The following BLTP3A variants were observed in gnomAD, a reference collection of about 807,000 sequenced individuals.
The protein encoded by BLTP3A is bridge-like lipid transfer protein family member 3A, also known as ICBP90 binding protein 1.
chr6:34,817,940 G>A, the BLTP3A span, among the ~76,000 whole-genome samples: 4 of 151,046 alleles, frequency 2.6e-5, no homozygotes, highest in Non-Finnish European at 4.4e-5. Flanking sequence ...TGCAAGCTCC[G>A]CCTCCCGGGT....
the BLTP3A span, chr6:34,867,198 A>G: frequency 3.8e-6 from 6 of 1,579,342 alleles, no homozygotes; most frequent in East Asian, 1.3e-4. Context: ...TTGACTTTTA[A>G]ATTCATTTGT....
the BLTP3A span, among the ~76,000 whole-genome samples, chr6:34,798,206 A>G: frequency 6.6e-6 from 1 of 152,208 alleles, no homozygotes; most frequent in African/African-American, 2.4e-5. Context: ...AGATTAATCC[A>G]TATTTTGCAT....
chr6:34,801,342 A>C, the BLTP3A span, among the ~76,000 whole-genome samples: 2 of 152,202 alleles, frequency 1.3e-5, no homozygotes, highest in Non-Finnish European at 2.9e-5. Flanking sequence ...TGCAAAAGCC[A>C]CATAAACTTA....
chr6:34,792,851 G>C, the BLTP3A span, among the ~76,000 whole-genome samples: 1 of 152,152 alleles, frequency 6.6e-6, no homozygotes, highest in Non-Finnish European at 1.5e-5. Flanking sequence ...CAACGCTGAG[G>C]CTGGTTTTCT....
the BLTP3A span, among the ~76,000 whole-genome samples, chr6:34,794,422 A>T: frequency 6.6e-6 from 1 of 152,240 alleles, no homozygotes; most frequent in Non-Finnish European, 1.5e-5. Flanking sequence ...GTGCTCAATA[A>T]AACATGAGGT....
the BLTP3A span, among the ~76,000 whole-genome samples, chr6:34,840,709 G>T: frequency 6.6e-6 from 1 of 151,630 alleles, no homozygotes; most frequent in African/African-American, 2.4e-5. Flanking sequence ...TCTGCCTCCC[G>T]GGTTCATGCC....
At chr6:34,858,020 A>G in the BLTP3A span, 1 of 1,556,996 alleles carries the variant, frequency 6.4e-7, no homozygotes, top group East Asian at 2.3e-5. Flanking sequence ...TGGAAGTAAG[A>G]AAATAGTTTC....
chr6:34,858,377 C>T, the BLTP3A span: 1 of 1,614,142 alleles, frequency 6.2e-7, no homozygotes. Context: ...CAGATGGATT[C>T]CTGCCTGCCT....
chr6:34,838,058 C>A, the BLTP3A span, among the ~76,000 whole-genome samples: 1 of 152,188 alleles, frequency 6.6e-6, no homozygotes, highest in East Asian at 1.9e-4. Context: ...CTTCACCGTT[C>A]ATTTATTAAA....
At chr6:34,863,975 G>A in the BLTP3A span, 2 of 1,542,832 alleles carry the variant, frequency 1.3e-6, no homozygotes, top group South Asian at 1.2e-5. Context: ...AGCCACATTT[G>A]TGGTTTTTGT....
chr6:34,805,015 C>T, the BLTP3A span, among the ~76,000 whole-genome samples: 4,337 of 152,132 alleles, frequency 0.029, 181 homozygotes, highest in African/African-American at 0.095. Flanking sequence ...ATGTATAGGC[C>T]GGGCACAGTG....
the BLTP3A span, chr6:34,858,239 G>T: frequency 6.2e-7 from 1 of 1,614,198 alleles, no homozygotes; most frequent in South Asian, 1.1e-5. Flanking sequence ...CATTGTAGTT[G>T]TTCAGACCTC....
chr6:34,844,637 C>A, the BLTP3A span, among the ~76,000 whole-genome samples: 1 of 152,114 alleles, frequency 6.6e-6, no homozygotes, highest in Non-Finnish European at 1.5e-5. Flanking sequence ...TTTCATATGC[C>A]TGTTTGCCAT....
At chr6:34,808,488 A>T in the BLTP3A span, among the ~76,000 whole-genome samples, 1 of 152,164 alleles carries the variant, frequency 6.6e-6, no homozygotes. Flanking sequence ...CTGATCAAGG[A>T]AAAAAGAGAA....
chr6:34,836,059 ACT>A, the BLTP3A span: 1 of 1,443,820 alleles, frequency 6.9e-7, no homozygotes, highest in Non-Finnish European at 9.3e-7. Flanking sequence ...ATCTTGCTAA[ACT>A]GTGGTTTTCT....
the BLTP3A span, among the ~76,000 whole-genome samples, chr6:34,839,860 G>A: frequency 2.0e-5 from 3 of 152,350 alleles, no homozygotes; most frequent in South Asian, 6.2e-4. Flanking sequence ...CTGCCAGACG[G>A]CCAGTCTCCC....
At chr6:34,872,184 T>C in the BLTP3A span, 274 of 1,156,398 alleles carry the variant, frequency 2.4e-4, 1 homozygote, top group African/African-American at 3.9e-3. Context: ...AGAAAAGATA[T>C]GGTTATCTTA....
the BLTP3A span, chr6:34,836,468 T>A: frequency 4.4e-6 from 4 of 917,240 alleles, no homozygotes; most frequent in Non-Finnish European, 4.9e-6. Flanking sequence ...TGGCTTCCCT[T>A]AATCACAGGC....
At chr6:34,796,579 G>A in the BLTP3A span, among the ~76,000 whole-genome samples, 35 of 152,148 alleles carry the variant, frequency 2.3e-4, no homozygotes, top group Non-Finnish European at 3.5e-4. Context: ...CACTAAATTA[G>A]GTTTTTCTTG....
Sources: allele counts gnomAD v4.1 joint callset (sites outside exome capture counted in the v4.1 genomes callset), GRCh38; gene constraint gnomAD v4.1.1; transcripts MANE v1.5; gene names NCBI Gene and HGNC (gene_info 2026-07-23, HGNC 2026-07-21).